NXN: variants seen among roughly 807,000 people sequenced by gnomAD.
The protein encoded by NXN is nucleoredoxin 1.
NXN carries 16 observed loss-of-function variants against 48.6 expected under a neutral mutation model. The observed-to-expected ratio is 0.33, with a 90% confidence interval of 0.22 to 0.50. NXN has a LOEUF of 0.50. NXN is among the 20% of genes least tolerant of loss of function. The probability of loss-of-function intolerance (pLI) is 0.98; values close to 1 mark genes in which losing one functional copy is unlikely to be tolerated. For missense variants in NXN, 492 were observed against 605.5 expected (o/e 0.81, Z 1.97); for synonymous variants, 281 against 269.6 (o/e 1.04, Z -0.41).
rs74324675 is a variant in NXN at position 920,557 on chromosome 17, C to T, written c.360+58762G>A. ...GTTCTCCCAGGCTCTCAACCCTCGA[C>T]GCTCATCCAGGTTCATTCGCCATCC... is the stretch of plus-strand genomic sequence containing the variant. On this transcript the variant is annotated intron_variant, in intron 1 of 7. Coordinates refer to ENST00000336868, the MANE Select transcript of NXN (RefSeq NM_022463.5). This position sits in a 1 kb window ranked among gnomAD's most constrained non-coding sequence, Gnocchi z 4.6. Among the ~76,000 whole-genome samples, 16,902 of 152,024 alleles carry T rather than the reference C, an allele frequency of 0.11. 1,254 individuals are homozygous for T. The highest frequency in any genetic ancestry group is 0.21 in the African/African-American group (8,511 of 41,430).
intron 1 of NXN, among the ~76,000 whole-genome samples, chr17:946,350 G>A (rs961016524): frequency 1.3e-5 from 2 of 152,140 alleles, no homozygotes; most frequent in South Asian, 2.1e-4. Context: ...TGCATTTTTA[G>A]TAGAGATGGG....
At chr17:939,544 C>T (rs1332975899) in intron 1 of NXN, among the ~76,000 whole-genome samples, 1 of 152,078 alleles carries the variant, frequency 6.6e-6, no homozygotes, top group Admixed American at 6.6e-5. Flanking sequence ...TGGGGTTTCA[C>T]CATGTTGGCC....
In NXN at chr17:931,558, C is replaced by T. The variant is rs143145604; in HGVS notation, c.360+47761G>A. Among the ~76,000 whole-genome samples, 25 of 152,084 alleles carry T rather than the reference C, an allele frequency of 1.6e-4. No individual in the cohort carries two copies. In the East Asian group the frequency reaches 3.5e-3, roughly 21 times the overall value. On this transcript the variant is annotated intron_variant, in intron 1 of 7. Transcript: ENST00000336868. The stretch of plus-strand genomic sequence containing the variant: ...TATTTATTTTAAAAAAATTTTTGGC[C>T]GGGCGCAGTGGCTCACACCTGTAAT...
At chr17:841,448 C>G in intron 1 of NXN, among the ~76,000 whole-genome samples, 2 of 129,226 alleles carry the variant, frequency 1.5e-5, no homozygotes, top group African/African-American at 2.6e-5. Flanking sequence ...GCAGGTCCCC[C>G]TGACCACGGC....
chr17:979,415 G>T lies in NXN; in HGVS notation c.264C>A (p.Ile88=). The T allele has an allele frequency of 1.4e-6, 2 of 1,385,822 alleles. No homozygotes were observed. Among genetic ancestry groups the T allele is most frequent in the Non-Finnish European group, 1.9e-6 (2 of 1,055,544 alleles). The allele number at this position is 1,385,822 out of a possible 1,614,324, so 85.8% of individuals were successfully genotyped here. ...GGTCCTGGTCCGAGGACACGAAGAC[G>T]ATCTCCAGGCGCCGCCGCGGCTCGG... ...AEPEPRRRLE[I]VFVSSDQDQR... The change falls in exon 1 of 8, where the codon ATC becomes ATA. Residue 88 remains isoleucine (I), a synonymous_variant. Transcript: ENST00000336868.
At chr17:889,788 A>C (rs2068396552) in intron 1 of NXN, among the ~76,000 whole-genome samples, 1 of 152,094 alleles carries the variant, frequency 6.6e-6, no homozygotes, top group South Asian at 2.1e-4. Flanking sequence ...GAGAGAGAAA[A>C]GAAATGCAGA....
At chr17:827,627 A>AT (rs1242492303) in intron 1 of NXN, among the ~76,000 whole-genome samples, 10 of 152,204 alleles carry the variant, frequency 6.6e-5, no homozygotes, top group African/African-American at 2.4e-4. Context: ...CGTCTCAAAA[A>AT]AATAAATAAA....
chr17:951,828 G>A (rs1345799037), intron 1 of NXN, among the ~76,000 whole-genome samples: 1 of 152,192 alleles, frequency 6.6e-6, no homozygotes, highest in Non-Finnish European at 1.5e-5. Flanking sequence ...CAGGGGCAGA[G>A]AGGACGGGAG....
At chr17:940,723 T>C (rs1188890818) in intron 1 of NXN, among the ~76,000 whole-genome samples, 5 of 150,660 alleles carry the variant, frequency 3.3e-5, no homozygotes, top group Admixed American at 3.3e-4. Context: ...AACACCTTCC[T>C]GGATTTACAG....
chr17:861,139 C>T (rs974325301), intron 1 of NXN, among the ~76,000 whole-genome samples: 1 of 151,986 alleles, frequency 6.6e-6, no homozygotes, highest in Non-Finnish European at 1.5e-5. Context: ...TTTCTCAGCT[C>T]TTTCTTTTTT....
chr17:927,650 G>C (rs1232640017), intron 1 of NXN, among the ~76,000 whole-genome samples: 3 of 151,036 alleles, frequency 2.0e-5, no homozygotes, highest in Non-Finnish European at 4.4e-5. Flanking sequence ...GGCGGGCTCA[G>C]TGGGAGATGG....
intron 5 of NXN, among the ~76,000 whole-genome samples, chr17:814,039 T>C (rs1298804692): frequency 6.6e-6 from 1 of 151,266 alleles, no homozygotes; most frequent in Non-Finnish European, 1.5e-5. Context: ...GGCAGGCAGA[T>C]CACATGAGGT....
chr17:897,041 C>T (rs1201770402), intron 1 of NXN: 5 of 1,083,376 alleles, frequency 4.6e-6, no homozygotes, highest in Admixed American at 5.6e-5. Context: ...CTAACAACAG[C>T]GTCACTGTCA....
Position 823,716 on chromosome 17 carries a change from C to T in NXN, c.528G>A (p.Gly176=), listed in dbSNP as rs754103136. 1 of 1,614,138 alleles carries T rather than the reference C, an allele frequency of 6.2e-7. No homozygotes were observed. Among genetic ancestry groups the T allele is most frequent in the African/African-American group, 1.3e-5 (1 of 75,038 alleles). The change falls in exon 3 of 8, where the codon GGG becomes GGA. Residue 176 remains glycine (G), a synonymous_variant. Coordinates refer to ENST00000336868, the MANE Select transcript of NXN (RefSeq NM_022463.5). ...GPKPFREVIA[G]PLLRNNGQSL... Reference sequence around the variant, plus strand: ...ACTGCCCATTGTTTCTAAGCAAGGGCCCTGCAATGACTTCCCTGAAGGGTT... The same window carrying T: ...ACTGCCCATTGTTTCTAAGCAAGGGTCCTGCAATGACTTCCCTGAAGGGTT...
At chr17:893,739 T>C (rs9675180) in intron 1 of NXN, among the ~76,000 whole-genome samples, 4 of 14,924 alleles carry the variant, frequency 2.7e-4, no homozygotes, top group Non-Finnish European at 1.2e-4. Context: ...TCTCAACCCC[T>C]GGAAGCCAGA....
At chr17:901,710 G>GT (rs2068539285) in intron 1 of NXN, among the ~76,000 whole-genome samples, 1 of 152,014 alleles carries the variant, frequency 6.6e-6, no homozygotes, top group Admixed American at 6.6e-5. Flanking sequence ...GTTTTGTTCT[G>GT]TTTTTTGGAG....
chr17:938,490 G>A (rs2068934057), intron 1 of NXN, among the ~76,000 whole-genome samples: 1 of 151,814 alleles, frequency 6.6e-6, no homozygotes. Flanking sequence ...GATCAGCCCA[G>A]CCAACATGGC....
chr17:878,687 A>C (rs1303871781), intron 1 of NXN, among the ~76,000 whole-genome samples: 1 of 152,114 alleles, frequency 6.6e-6, no homozygotes, highest in Non-Finnish European at 1.5e-5. Flanking sequence ...GGACTCATTA[A>C]GGGACTAGTG....
intron 1 of NXN, among the ~76,000 whole-genome samples, chr17:888,010 G>A (rs543345005): frequency 8.5e-5 from 13 of 152,196 alleles, no homozygotes; most frequent in Non-Finnish European, 1.6e-4. Context: ...ACTGCCACAC[G>A]GGTCACGGTT....
Sources: gnomAD v4.1 joint callset for allele counts (sites outside exome capture counted in the v4.1 genomes callset) on GRCh38, gnomAD v4.1.1 for gene constraint, Gnocchi (gnomAD v3.1) non-coding constraint, MANE v1.5 for transcripts, NCBI Gene and HGNC (gene_info 2026-07-23, HGNC 2026-07-21) for gene names.